CCDC91: variants seen among roughly 807,000 people sequenced by gnomAD.
CCDC91 encodes the protein coiled-coil domain containing 91, also known as coiled-coil domain-containing protein 91.
In CCDC91, 48 loss-of-function variants were observed where a neutral mutation model predicts 63.2. The observed-to-expected ratio is 0.76, with a 90% CI of 0.60 to 0.97. CCDC91 has a LOEUF of 0.97. CCDC91 is among the 50% of genes least tolerant of loss of function. The probability of loss-of-function intolerance (pLI) is 0.00; values close to 1 mark genes in which losing one functional copy is unlikely to be tolerated. For synonymous variants in CCDC91, 167 were observed against 165.8 expected (o/e 1.01, Z -0.06); for missense variants, 500 against 494.6 (o/e 1.01, Z -0.10).
At chr12:28,443,284 A>G (rs909476376) in intron 8 of CCDC91, among the ~76,000 whole-genome samples, 2 of 151,718 alleles carry the variant, frequency 1.3e-5, no homozygotes, top group African/African-American at 4.8e-5. Context: ...AGTCTAGGAT[A>G]TATTCCATTT....
intron 12 of CCDC91, among the ~76,000 whole-genome samples, chr12:28,514,338 C>T (rs1366264725): frequency 2.0e-5 from 3 of 151,258 alleles, no homozygotes; most frequent in Admixed American, 6.6e-5. Context: ...GTTTAAATTT[C>T]TTATGGATGC....
chr12:28,522,346 T>C (rs1379696545), intron 12 of CCDC91, among the ~76,000 whole-genome samples: 1 of 152,216 alleles, frequency 6.6e-6, no homozygotes, highest in Non-Finnish European at 1.5e-5. Flanking sequence ...CTAGATTTTC[T>C]AGTTTATTTG....
chr12:28,464,170 T>G (rs781214126), intron 11 of CCDC91, among the ~76,000 whole-genome samples: 4 of 152,172 alleles, frequency 2.6e-5, no homozygotes, highest in African/African-American at 4.8e-5. Context: ...GGGGAATCAC[T>G]GATCCTAGCA....
In CCDC91 at chr12:28,243,186, C is replaced by T. The variant is rs574156597; in HGVS notation, c.-14-14016C>T. 5.5e-4 allele frequency among the ~76,000 whole-genome samples: 84 copies of T among 152,276 alleles called. 1 individual carries two copies. The highest frequency in any genetic ancestry group is 1.9e-3 in the African/African-American group (77 of 41,560). On this transcript the variant is annotated intron_variant, in intron 1 of 12. Transcript: ENST00000536442. ...TGTGACTGAGAGATGGTCACTGCAGCTTATCTGGGCAGTCCGTGCAGGGTA... is the reference window on the plus strand; with the variant it reads ...TGTGACTGAGAGATGGTCACTGCAGTTTATCTGGGCAGTCCGTGCAGGGTA...
At chr12:28,295,599 T>C (rs903422488) in intron 3 of CCDC91, among the ~76,000 whole-genome samples, 3 of 152,150 alleles carry the variant, frequency 2.0e-5, no homozygotes, top group African/African-American at 7.2e-5. Context: ...AGGATTGCTC[T>C]GTATCTTACA....
chr12:28,322,583 A>G (rs1565795048), intron 6 of CCDC91, among the ~76,000 whole-genome samples: 1 of 151,724 alleles, frequency 6.6e-6, no homozygotes, highest in Non-Finnish European at 1.5e-5. Flanking sequence ...GTGTCTCAAT[A>G]TACCTTCTCT....
intron 1 of CCDC91, among the ~76,000 whole-genome samples, chr12:28,194,092 T>C (rs1941522582): frequency 6.6e-6 from 1 of 152,156 alleles, no homozygotes; most frequent in Non-Finnish European, 1.5e-5. Context: ...ATTTGTGCTT[T>C]TTTATCATGA....
At chr12:28,199,732 G>T (rs1433267863) in intron 1 of CCDC91, among the ~76,000 whole-genome samples, 5 of 152,222 alleles carry the variant, frequency 3.3e-5, no homozygotes, top group Admixed American at 3.3e-4. Flanking sequence ...TTAGTTGGCA[G>T]TCTTTTTCTT....
At chr12:28,468,001 T>G (rs1339740719) in intron 11 of CCDC91, among the ~76,000 whole-genome samples, 3 of 151,336 alleles carry the variant, frequency 2.0e-5, no homozygotes, top group African/African-American at 7.3e-5. Flanking sequence ...AAAGAAAAAT[T>G]TCAAATAAAC....
At chr12:28,267,858 TA>T (rs1947388231) in intron 3 of CCDC91, among the ~76,000 whole-genome samples, 1 of 47,248 alleles carries the variant, frequency 2.1e-5, no homozygotes, top group Admixed American at 4.1e-4. Flanking sequence ...TATAGTAATA[TA>T]TAATTATATA....
At chr12:28,545,547 C>T (rs12314620) in intron 12 of CCDC91, among the ~76,000 whole-genome samples, 15,546 of 152,064 alleles carry the variant, frequency 0.1, 2,087 homozygotes, top group African/African-American at 0.31. Flanking sequence ...CATACAGTAT[C>T]GGTTCGCCTT....
At chr12:28,495,089 A>G (rs963816052) in intron 12 of CCDC91, among the ~76,000 whole-genome samples, 7 of 151,702 alleles carry the variant, frequency 4.6e-5, no homozygotes, top group African/African-American at 1.2e-4. Context: ...TTACTATACA[A>G]TGATACACAA....
intron 1 of CCDC91, among the ~76,000 whole-genome samples, chr12:28,200,963 A>G (rs866025702): frequency 8.6e-6 from 1 of 116,704 alleles, no homozygotes; most frequent in Non-Finnish European, 1.7e-5. Context: ...CTGACCCCCC[A>G]ACCTCCCTCC....
chr12:28,291,027 G>A (rs149742807), intron 3 of CCDC91, among the ~76,000 whole-genome samples: 5 of 152,228 alleles, frequency 3.3e-5, no homozygotes, highest in East Asian at 1.9e-4. Flanking sequence ...TTAGGTTGGT[G>A]CAAAAGTAAT....
intron 2 of CCDC91, among the ~76,000 whole-genome samples, chr12:28,259,000 T>A (rs1023518009): frequency 3.6e-4 from 55 of 152,140 alleles, no homozygotes; most frequent in Middle Eastern, 3.4e-3. Context: ...TGTCTATATT[T>A]TTTAAAGACA....
chr12:28,433,400 T>A (rs958749511), intron 8 of CCDC91, among the ~76,000 whole-genome samples: 5 of 152,042 alleles, frequency 3.3e-5, no homozygotes, highest in South Asian at 2.1e-4. Flanking sequence ...ATGAAAGTTA[T>A]ATGGTCTGTG....
At chr12:28,240,260 T>A (rs1000828750) in intron 1 of CCDC91, among the ~76,000 whole-genome samples, 1 of 152,200 alleles carries the variant, frequency 6.6e-6, no homozygotes, top group African/African-American at 2.4e-5. Flanking sequence ...CACTGTATTC[T>A]TGTATTAATC....
intron 8 of CCDC91, among the ~76,000 whole-genome samples, chr12:28,435,215 C>T (rs1948841699): frequency 6.6e-6 from 1 of 151,488 alleles, no homozygotes; most frequent in African/African-American, 2.4e-5. Flanking sequence ...AAAATGAAAG[C>T]TAAGATTATT....
At chr12:28,456,566 T>C (rs1022515537) in intron 11 of CCDC91, among the ~76,000 whole-genome samples, 8 of 152,150 alleles carry the variant, frequency 5.3e-5, no homozygotes, top group African/African-American at 1.7e-4. Flanking sequence ...AGCGCTTATA[T>C]TTGACAAAAC....
Sources: allele counts gnomAD v4.1 joint callset (sites outside exome capture counted in the v4.1 genomes callset), GRCh38; gene constraint gnomAD v4.1.1; transcripts MANE v1.5; gene names NCBI Gene and HGNC (gene_info 2026-07-23, HGNC 2026-07-21).